LEPR: variants seen among roughly 807,000 people sequenced by gnomAD.
LEPR encodes leptin receptor.
LEPR carries 56 observed loss-of-function variants against 114.7 expected under a neutral mutation model. The observed-to-expected ratio is 0.49, with a 90% CI of 0.39 to 0.61. LEPR has a LOEUF of 0.61. Ranked by LOEUF, LEPR falls within the 20% of genes least tolerant of loss-of-function variation. The pLI is 0.00. For synonymous variants in LEPR, 443 were observed against 461.4 expected (o/e 0.96, Z 0.51); for missense variants, 1,202 against 1,352.9 (o/e 0.89, Z 1.75).
At chr1:65,495,383 A>G (rs1648101621) in intron 2 of LEPR, among the ~76,000 whole-genome samples, 1 of 152,238 alleles carries the variant, frequency 6.6e-6, no homozygotes, top group African/African-American at 2.4e-5. Flanking sequence ...CTGTTGTCAA[A>G]AAGACAAAAG....
chr1:65,531,422 CTCCTT>C (rs1440319211), intron 2 of LEPR, among the ~76,000 whole-genome samples: 3 of 134,954 alleles, frequency 2.2e-5, no homozygotes, highest in Admixed American at 7.6e-5. Flanking sequence ...CTTTCCTTTC[CTCCTT>C]TCCTTTCCTT....
chr1:65,565,387 A>G (rs1653662253), intron 2 of LEPR, among the ~76,000 whole-genome samples, 159 bp from the exon 3 acceptor site: 2 of 152,224 alleles, frequency 1.3e-5, no homozygotes, highest in South Asian at 4.1e-4. Flanking sequence ...TCTGTAGCCT[A>G]ATTTTACGTG....
intron 2 of LEPR, among the ~76,000 whole-genome samples, chr1:65,440,146 G>C (rs1336129533): frequency 6.6e-6 from 1 of 152,032 alleles, no homozygotes; most frequent in East Asian, 1.9e-4. Context: ...GCTGAATAGA[G>C]CTATTGAATA....
chr1:65,602,815 G>A (rs562581323), intron 10 of LEPR, among the ~76,000 whole-genome samples: 53 of 152,022 alleles, frequency 3.5e-4, no homozygotes, highest in South Asian at 1.5e-3. Flanking sequence ...CTTATGTAGC[G>A]TTAGGAAAAA....
intron 2 of LEPR, among the ~76,000 whole-genome samples, chr1:65,471,581 A>G (rs1194354080): frequency 6.6e-6 from 1 of 152,166 alleles, no homozygotes; most frequent in African/African-American, 2.4e-5. Context: ...TCAAAAAATG[A>G]CCTGGTTGAC....
At chr1:65,634,473 T>A (rs1658643074) in intron 19 of LEPR, 1 of 949,830 alleles carries the variant, frequency 1.1e-6, no homozygotes, top group Non-Finnish European at 1.3e-6. Flanking sequence ...TGAAATTTTT[T>A]AAATGGATAT....
chr1:65,526,487 A>G, intron 2 of LEPR: 1 of 914,538 alleles, frequency 1.1e-6, no homozygotes, highest in Non-Finnish European at 1.3e-6. Context: ...TATTTCTAGA[A>G]CTTGTGTTTG....
intron 2 of LEPR, among the ~76,000 whole-genome samples, chr1:65,489,894 G>A (rs1647774410): frequency 6.6e-6 from 1 of 152,026 alleles, no homozygotes; most frequent in South Asian, 2.1e-4. Flanking sequence ...GATAAAGAAG[G>A]CACAATTTTT....
At position 65,637,526 on chromosome 1, in the gene LEPR, C is replaced by A. The variant is rs1174895853; in HGVS notation, c.*511C>A. 6.5e-6 allele frequency: 1 copy of A among 153,478 alleles called. No individual in the cohort carries two copies. The highest frequency in any genetic ancestry group is 2.4e-5 in the African/African-American group (1 of 41,436). 9.5% of individuals were successfully genotyped at this position (153,478 alleles called of 1,614,324 possible). The stretch of plus-strand genomic sequence containing the variant: ...GCCTAAGGGGTTATACTTGTGAAGA[C>A]TAATGAGCCAATTGTTATGTACCAA... On this transcript the variant is annotated 3_prime_UTR_variant, in exon 20 of 20. Transcript: ENST00000349533.
At chr1:65,502,533 A>G (rs1343745098) in intron 2 of LEPR, among the ~76,000 whole-genome samples, 1 of 152,220 alleles carries the variant, frequency 6.6e-6, no homozygotes, top group Non-Finnish European at 1.5e-5. Flanking sequence ...CTGACGATAT[A>G]GCTTCCCTGT....
chr1:65,492,344 G>A (rs552962632), intron 2 of LEPR, among the ~76,000 whole-genome samples: 1 of 151,996 alleles, frequency 6.6e-6, no homozygotes, highest in East Asian at 1.9e-4. Context: ...CTTAGCTTAG[G>A]CTCTCTTCTT....
chr1:65,518,954 CTTCT>C (rs1234075629), intron 2 of LEPR, among the ~76,000 whole-genome samples: 2 of 133,264 alleles, frequency 1.5e-5, no homozygotes, highest in Non-Finnish European at 3.2e-5. Context: ...TTTCTTCTTT[CTTCT>C]TTTTCTTTTC....
intron 2 of LEPR, among the ~76,000 whole-genome samples, chr1:65,539,835 A>G (rs1371487029): frequency 1.3e-5 from 2 of 152,148 alleles, no homozygotes; most frequent in Non-Finnish European, 2.9e-5. Context: ...GTAGGCATTG[A>G]GGTTTCAGTC....
Position 65,488,226 on chromosome 1 carries a change from C to CTCTTTCTTTCTT in LEPR, c.-21+62870_-21+62881dup, listed in dbSNP as rs71577203. Among the ~76,000 whole-genome samples the CTCTTTCTTTCTT allele has an allele frequency of 4.1e-4, 28 of 67,968 alleles. No homozygotes were observed. In the South Asian group the frequency reaches 4.6e-3, roughly 11 times the overall value. The allele number at this position is 67,968 out of a possible 152,430, so 44.6% of individuals were successfully genotyped here. A position where few individuals can be genotyped will look rare whatever the true frequency, so the allele number is the denominator to read the frequency against. On this transcript the variant is annotated intron_variant, in intron 2 of 19. Transcript: ENST00000349533. ...TTTCTTTCTTTCTCTCTCTCTCTCTCTCTTTCTTTCTTTCTTTCTTTCTTT... is the reference window on the plus strand; with the variant it reads ...TTTCTTTCTTTCTCTCTCTCTCTCTCTCTTTCTTTCTTTCTTTCTTTCTTTCTTTCTTTCTTT...
intron 6 of LEPR, among the ~76,000 whole-genome samples, chr1:65,594,926 A>G (rs903683170): frequency 1.3e-5 from 2 of 152,048 alleles, no homozygotes; most frequent in Admixed American, 6.6e-5. Context: ...CATTGGGTTT[A>G]TTTTTGTATT....
chr1:65,482,282 T>A (rs1392887851), intron 2 of LEPR, among the ~76,000 whole-genome samples: 2 of 152,266 alleles, frequency 1.3e-5, no homozygotes, highest in Admixed American at 1.3e-4. Context: ...AGATGCTGTA[T>A]CTACTCAAAT....
In LEPR at chr1:65,617,992, T is replaced by G; in HGVS notation, c.2241T>G (p.Tyr747Ter). ...ATATCGTGCAGTCACTCAGTGCTTA[T>G]CCTTTAAACAGCAGTTGTGTGATTG... ...KVNIVQSLSA[Y>*]PLNSSCVIVS... Residue 747 changes from tyrosine to a stop codon, truncating the protein, a stop_gained, in exon 16 of 20, where the codon TAT becomes TAG. Transcript: ENST00000349533. LOFTEE classifies it high-confidence loss of function. 6.2e-7 allele frequency: 1 copy of G among 1,612,844 alleles called. No individual in the cohort carries two copies. The highest frequency in any genetic ancestry group is 8.5e-7 in the Non-Finnish European group (1 of 1,179,490).
intron 2 of LEPR, among the ~76,000 whole-genome samples, chr1:65,506,783 A>G (rs1486164227): frequency 6.6e-6 from 1 of 152,220 alleles, no homozygotes; most frequent in Non-Finnish European, 1.5e-5. Flanking sequence ...AATATTTATC[A>G]TTTCTTTGTG....
intron 3 of LEPR, among the ~76,000 whole-genome samples, chr1:65,567,410 TTC>T (rs1204574480): frequency 7.2e-5 from 11 of 152,210 alleles, no homozygotes; most frequent in Admixed American, 7.2e-4. Context: ...CAAAAAACTA[TTC>T]TGTTTTCTTT....
Sources: gnomAD v4.1 joint callset for allele counts (sites outside exome capture counted in the v4.1 genomes callset) on GRCh38, gnomAD v4.1.1 for gene constraint, MANE v1.5 for transcripts, NCBI Gene and HGNC (gene_info 2026-07-23, HGNC 2026-07-21) for gene names.